Variants in KIF5C observed in about 807,000 individuals in gnomAD.
KIF5C encodes the protein kinesin family member 5C.
KIF5C carries 18 observed loss-of-function variants against 125.2 expected under a neutral mutation model. The ratio of observed to expected loss-of-function variants is 0.14; its 90% CI spans 0.10 to 0.21. The LOEUF is 0.21. Ranked by LOEUF, KIF5C falls within the 10% of genes least tolerant of loss-of-function variation. The probability of loss-of-function intolerance (pLI) is 1.00; values close to 1 mark genes in which losing one functional copy is unlikely to be tolerated. For missense variants in KIF5C, 780 were observed against 1,183.8 expected (o/e 0.66, Z 5.01); for synonymous variants, 405 against 434.0 (o/e 0.93, Z 0.83).
At chr2:149,017,462 A>G (rs1259403400) in intron 25 of KIF5C, among the ~76,000 whole-genome samples, 2 of 152,134 alleles carry the variant, frequency 1.3e-5, no homozygotes, top group South Asian at 2.1e-4. Flanking sequence ...CCCACACTTA[A>G]TGTAGACACC....
intron 22 of KIF5C, 126 bp downstream of exon 22, chr2:149,005,590 C>G: frequency 7.4e-7 from 1 of 1,351,030 alleles, no homozygotes; most frequent in African/African-American, 1.5e-5. Context: ...TTACTGCACA[C>G]CAGAGAATGT....
intron 15 of KIF5C, among the ~76,000 whole-genome samples, chr2:148,987,208 A>G (rs552076426): frequency 2.2e-4 from 33 of 152,156 alleles, no homozygotes; most frequent in Non-Finnish European, 2.6e-4. Context: ...ATGAAGATTC[A>G]TGAAGGAGTG....
At chr2:148,926,866 C>T (rs896704356) in intron 2 of KIF5C, among the ~76,000 whole-genome samples, 5 of 152,190 alleles carry the variant, frequency 3.3e-5, no homozygotes, top group Non-Finnish European at 5.9e-5. Context: ...GGTTCTGCAG[C>T]AGTGAATGAA....
intron 11 of KIF5C, among the ~76,000 whole-genome samples, chr2:148,971,336 G>C (rs1166900741): frequency 2.4e-5 from 3 of 122,982 alleles, no homozygotes; most frequent in East Asian, 2.6e-4. Flanking sequence ...ATCTATCTAT[G>C]TCTATCTATC....
chr2:149,012,251 GC>G (rs1209004444), intron 25 of KIF5C, among the ~76,000 whole-genome samples: 2 of 152,256 alleles, frequency 1.3e-5, no homozygotes, highest in Non-Finnish European at 2.9e-5. Context: ...TTCTCTCCCA[GC>G]AAAAAGAAAA....
intron 25 of KIF5C, among the ~76,000 whole-genome samples, chr2:149,014,944 T>G (rs1374143531): frequency 1.3e-5 from 2 of 152,132 alleles, no homozygotes; most frequent in Admixed American, 1.3e-4. Flanking sequence ...TCCCAGCACT[T>G]TGGGAAGCTG....
intron 10 of KIF5C, among the ~76,000 whole-genome samples, chr2:148,957,435 T>C (rs1479887314): frequency 1.3e-5 from 2 of 152,180 alleles, no homozygotes; most frequent in African/African-American, 4.8e-5. Flanking sequence ...CTTCATTCTC[T>C]AAATTTGCCA....
rs541877085 is a variant in KIF5C at position 148,971,037 on chromosome 2, G to T, written c.1118-2299G>T. 1.7e-4 allele frequency among the ~76,000 whole-genome samples: 26 copies of T among 152,256 alleles called. 1 individual carries two copies. The highest frequency in any genetic ancestry group is 2.1e-4 in the Non-Finnish European group (14 of 68,030). ...GAAAGATTAAATTCATACTGTACTG[G>T]ATTGCCCTGTTCCCAAATTTCAGAA... is the stretch of plus-strand genomic sequence containing the variant. On this transcript the variant is annotated intron_variant, in intron 11 of 25. Transcript: ENST00000435030.
chr2:148,954,391 T>C (rs996985994), intron 10 of KIF5C, among the ~76,000 whole-genome samples: 1 of 152,238 alleles, frequency 6.6e-6, no homozygotes, highest in African/African-American at 2.4e-5. Flanking sequence ...TTCTATTTTG[T>C]AGTCTTTAAT....
At chr2:148,901,222 T>C (rs1680890975) in intron 1 of KIF5C, among the ~76,000 whole-genome samples, 1 of 152,216 alleles carries the variant, frequency 6.6e-6, no homozygotes, top group South Asian at 2.1e-4. Flanking sequence ...TACTGATATA[T>C]GGAAAAGTCT....
At chr2:148,944,293 A>G (rs1274412560) in intron 7 of KIF5C, among the ~76,000 whole-genome samples, 2 of 152,146 alleles carry the variant, frequency 1.3e-5, no homozygotes, top group African/African-American at 4.8e-5. Flanking sequence ...TTCTCCAACC[A>G]AAACTCTGTA....
chr2:149,023,823 A>G lies in KIF5C; in HGVS notation c.*753A>G, dbSNP rs1225745447. ...TAGTCTTAGCCGGCCCGGTTTGAACATCGTTCTTTCAGAAGTGCTGAAAAT... is the reference window on the plus strand; with the variant it reads ...TAGTCTTAGCCGGCCCGGTTTGAACGTCGTTCTTTCAGAAGTGCTGAAAAT... On this transcript the variant is annotated 3_prime_UTR_variant, in exon 26 of 26. Transcript: ENST00000435030. The G allele has an allele frequency of 1.3e-5, 2 of 152,228 alleles. No individual in the cohort carries two copies. Among genetic ancestry groups the G allele is most frequent in the Non-Finnish European group, 2.9e-5 (2 of 68,044 alleles). The allele number at this position is 152,228 out of a possible 1,614,324, so 9.4% of individuals were successfully genotyped here.
intron 21 of KIF5C, among the ~76,000 whole-genome samples, chr2:149,002,220 A>C (rs6736802): frequency 0.44 from 66,188 of 152,124 alleles, 16,584 homozygotes; most frequent in Non-Finnish European, 0.55. Flanking sequence ...GAGATCAGTG[A>C]TATCAATGAA....
chr2:148,922,086 C>T (rs1397414736), intron 1 of KIF5C, 51 bp from the exon 2 acceptor site: 1 of 1,274,348 alleles, frequency 7.8e-7, no homozygotes. Context: ...TATTCCTAAA[C>T]ATCTAATGTG....
At chr2:148,950,278 G>A (rs757256997) in intron 9 of KIF5C, 36 bp from the exon 10 acceptor site, 2 of 1,598,990 alleles carry the variant, frequency 1.3e-6, no homozygotes, top group South Asian at 1.1e-5. Flanking sequence ...CTCAGAATGG[G>A]CTGTCAAAAC....
chr2:148,994,942 C>A (rs534348240), intron 17 of KIF5C, among the ~76,000 whole-genome samples: 6 of 152,286 alleles, frequency 3.9e-5, no homozygotes, highest in African/African-American at 1.4e-4. Flanking sequence ...ACCTCGTGAT[C>A]TGTCTACCTC....
At chr2:148,930,683 C>T (rs563776200) in intron 3 of KIF5C, among the ~76,000 whole-genome samples, 5 of 152,106 alleles carry the variant, frequency 3.3e-5, no homozygotes, top group Non-Finnish European at 5.9e-5. Context: ...GGTACAGTGC[C>T]GGGGATCTCA....
chr2:148,875,575 G>GGGCCCCC lies in KIF5C; in HGVS notation c.-43_-42insGGCCCCC. The GGGCCCCC allele has an allele frequency of 2.6e-5, 18 of 699,568 alleles. No homozygotes were observed. The highest frequency in any genetic ancestry group is 3.9e-5 in the Non-Finnish European group (15 of 389,202). 43.3% of individuals were successfully genotyped at this position (699,568 alleles called of 1,614,324 possible). On this transcript the variant is annotated 5_prime_UTR_variant, in exon 1 of 26. Transcript: ENST00000435030. Reference sequence around the variant, plus strand: ...TCCTCCCTCGTCGTTCCCGGCCCCGGCCCCCCACCCATCCCCGTGCCCCCT... The same window carrying GGGCCCCC: ...TCCTCCCTCGTCGTTCCCGGCCCCGGGGCCCCCCCCCCCACCCATCCCCGTGCCCCCT...
chr2:148,958,347 G>A (rs530254235), intron 10 of KIF5C, among the ~76,000 whole-genome samples: 1 of 152,116 alleles, frequency 6.6e-6, no homozygotes, highest in Non-Finnish European at 1.5e-5. Flanking sequence ...GCAACAGTTG[G>A]CATTATCAGT....
Sources: gnomAD v4.1 joint callset for allele counts (sites outside exome capture counted in the v4.1 genomes callset) on GRCh38, gnomAD v4.1.1 for gene constraint, MANE v1.5 for transcripts, NCBI Gene and HGNC (gene_info 2026-07-23, HGNC 2026-07-21) for gene names.